EFNA5: variants seen among roughly 807,000 people sequenced by gnomAD.
EFNA5 encodes the protein ephrin-A5.
A neutral mutation model predicts 22.9 loss-of-function variants in EFNA5; 5 were observed. The ratio of observed to expected loss-of-function variants is 0.22; its 90% CI spans 0.11 to 0.46. The LOEUF (loss-of-function observed/expected upper bound fraction) is 0.46, where lower values mean the gene tolerates loss of function less well. Ranked by LOEUF, EFNA5 falls within the 20% of genes least tolerant of loss-of-function variation. The pLI, the probability that EFNA5 is intolerant of heterozygous loss-of-function variation, is 0.99. For missense variants in EFNA5, 237 were observed against 293.3 expected, an observed-to-expected ratio of 0.81 and a Z score of 1.40; for synonymous variants, 113 against 112.2, an observed-to-expected ratio of 1.01 and a Z score of -0.04.
intron 2 of EFNA5, among the ~76,000 whole-genome samples, chr5:107,406,809 T>C (rs1415881472): frequency 6.6e-6 from 1 of 152,160 alleles, no homozygotes; most frequent in Non-Finnish European, 1.5e-5. Flanking sequence ...AAATACCTGT[T>C]GAATGAAGTA....
At chr5:107,574,916 A>G (rs1748895340) in intron 1 of EFNA5, among the ~76,000 whole-genome samples, 1 of 152,198 alleles carries the variant, frequency 6.6e-6, no homozygotes, top group Non-Finnish European at 1.5e-5. Flanking sequence ...TAAATTCACT[A>G]CATACCACTG....
intron 1 of EFNA5, among the ~76,000 whole-genome samples, chr5:107,458,333 TC>T (rs1177877569): frequency 5.3e-5 from 8 of 152,070 alleles, no homozygotes; most frequent in African/African-American, 1.7e-4. Flanking sequence ...ATAATTCCTT[TC>T]CTCAAAGATT....
At chr5:107,559,578 C>CT (rs1461344245) in intron 1 of EFNA5, among the ~76,000 whole-genome samples, 1 of 152,178 alleles carries the variant, frequency 6.6e-6, no homozygotes, top group Non-Finnish European at 1.5e-5. Flanking sequence ...CCAACTACAT[C>CT]TGTTTATGTT....
intron 2 of EFNA5, among the ~76,000 whole-genome samples, chr5:107,418,223 A>G (rs553282866): frequency 2.6e-5 from 4 of 152,116 alleles, no homozygotes; most frequent in Non-Finnish European, 5.9e-5. Context: ...AAGTATAAAC[A>G]CTGTTATTCC....
chr5:107,486,330 A>G (rs1390554053), intron 1 of EFNA5, among the ~76,000 whole-genome samples: 1 of 152,200 alleles, frequency 6.6e-6, no homozygotes, highest in African/African-American at 2.4e-5. Flanking sequence ...TAGGACTGGT[A>G]AGGAACTTTA....
chr5:107,442,926 T>A (rs1580454495), intron 1 of EFNA5, among the ~76,000 whole-genome samples: 6 of 75,842 alleles, frequency 7.9e-5, no homozygotes, highest in East Asian at 4.4e-4. Flanking sequence ...GTTCCCCAGG[T>A]ACTAAAAAAA....
intron 1 of EFNA5, among the ~76,000 whole-genome samples, chr5:107,643,673 A>T (rs995133475): frequency 2.0e-5 from 3 of 151,034 alleles, no homozygotes; most frequent in Admixed American, 2.0e-4. Flanking sequence ...AGTAAGCTTG[A>T]CGAGAGGGGG....
chr5:107,562,814 A>G (rs1748579507), intron 1 of EFNA5, among the ~76,000 whole-genome samples: 1 of 152,228 alleles, frequency 6.6e-6, no homozygotes, highest in South Asian at 2.1e-4. Flanking sequence ...TGGAAACAAT[A>G]TATTGGTGTA....
chr5:107,437,636 T>G (rs1199209008), intron 1 of EFNA5, among the ~76,000 whole-genome samples: 6 of 152,236 alleles, frequency 3.9e-5, no homozygotes, highest in Non-Finnish European at 7.3e-5. Flanking sequence ...TACTTGTCTC[T>G]GTATCCCCAA....
intron 4 of EFNA5, among the ~76,000 whole-genome samples, chr5:107,384,194 A>G (rs1339271546): frequency 1.3e-5 from 2 of 152,346 alleles, no homozygotes; most frequent in East Asian, 1.9e-4. Flanking sequence ...ACACCTAAAC[A>G]TGAGAGAATT....
intron 2 of EFNA5, among the ~76,000 whole-genome samples, chr5:107,407,516 G>C (rs1196998523): frequency 6.6e-6 from 1 of 152,162 alleles, no homozygotes; most frequent in African/African-American, 2.4e-5. Context: ...TATTGAACAA[G>C]ATGACCTGGG....
chr5:107,446,834 T>C (rs1303020286), intron 1 of EFNA5, among the ~76,000 whole-genome samples: 1 of 152,130 alleles, frequency 6.6e-6, no homozygotes, highest in Non-Finnish European at 1.5e-5. Context: ...GTCTATGCAC[T>C]CACAAAGAAA....
At chr5:107,575,478 T>C (rs927230508) in intron 1 of EFNA5, among the ~76,000 whole-genome samples, 1 of 152,210 alleles carries the variant, frequency 6.6e-6, no homozygotes. Context: ...TTCATACCAA[T>C]TAGTTCATAA....
intron 1 of EFNA5, among the ~76,000 whole-genome samples, chr5:107,656,085 T>C (rs1379459176): frequency 1.3e-5 from 2 of 152,152 alleles, no homozygotes; most frequent in African/African-American, 2.4e-5. Flanking sequence ...TCATTGGAAA[T>C]ACAAGCATTC....
At chr5:107,548,973 C>G (rs1273840249) in intron 1 of EFNA5, among the ~76,000 whole-genome samples, 1 of 152,194 alleles carries the variant, frequency 6.6e-6, no homozygotes, top group Non-Finnish European at 1.5e-5. Context: ...AACATATACA[C>G]TTACACATAC....
At chr5:107,472,933 AC>A (rs1284633459) in intron 1 of EFNA5, among the ~76,000 whole-genome samples, 1 of 152,072 alleles carries the variant, frequency 6.6e-6, no homozygotes, top group Non-Finnish European at 1.5e-5. Flanking sequence ...ATTTGAACAA[AC>A]CTTTGATATT....
chr5:107,664,810 T>C (rs1751035008), intron 1 of EFNA5, among the ~76,000 whole-genome samples: 2 of 152,276 alleles, frequency 1.3e-5, no homozygotes, highest in African/African-American at 4.8e-5. Flanking sequence ...TAATCCGGAA[T>C]GCTATTTTAA....
intron 1 of EFNA5, among the ~76,000 whole-genome samples, chr5:107,432,226 C>T (rs906755784): frequency 6.6e-6 from 1 of 152,184 alleles, no homozygotes; most frequent in Non-Finnish European, 1.5e-5. Flanking sequence ...CACAGAATAA[C>T]ATGTTGTTAG....
At chr5:107,387,840 C>T in intron 2 of EFNA5, 69 bp from the exon 3 acceptor site, 2 of 1,066,998 alleles carry the variant, frequency 1.9e-6, no homozygotes, top group South Asian at 1.4e-5. Context: ...TTCATTTTCA[C>T]ATACAAATGA....
Sources: allele counts gnomAD v4.1 joint callset (sites outside exome capture counted in the v4.1 genomes callset), GRCh38; gene constraint gnomAD v4.1.1; transcripts MANE v1.5; gene names NCBI Gene and HGNC (gene_info 2026-07-23, HGNC 2026-07-21).